The following LIPK variants were observed in gnomAD, a reference collection of about 807,000 sequenced individuals.
The protein encoded by LIPK is lipase family member K.
A neutral mutation model predicts 48.6 loss-of-function variants in LIPK; 32 were observed. The observed-to-expected ratio is 0.66, with a 90% CI of 0.50 to 0.88. LIPK has a LOEUF of 0.88. Ranked by LOEUF, LIPK falls within the 40% of genes least tolerant of loss-of-function variation. The pLI is 0.00. For missense variants in LIPK, 507 were observed against 478.5 expected (o/e 1.06, Z -0.56); for synonymous variants, 164 against 157.4 (o/e 1.04, Z -0.32).
chr10:88,729,837 A>G (rs1842429419), intron 3 of LIPK, among the ~76,000 whole-genome samples: 1 of 152,294 alleles, frequency 6.6e-6, no homozygotes, highest in African/African-American at 2.4e-5. Context: ...TCCAAAAGTG[A>G]CCTGAGGTAG....
At chr10:88,749,503 G>A (rs968974949) in intron 9 of LIPK, among the ~76,000 whole-genome samples, 2 of 152,128 alleles carry the variant, frequency 1.3e-5, no homozygotes, top group Non-Finnish European at 2.9e-5. Flanking sequence ...ACAATAACAA[G>A]CAATGGGGAA....
intron 1 of LIPK, among the ~76,000 whole-genome samples, chr10:88,719,730 A>G (rs1312635455): frequency 1.3e-5 from 2 of 152,082 alleles, no homozygotes; most frequent in Non-Finnish European, 2.9e-5. Flanking sequence ...TAGGGTGGGG[A>G]CTGGTTAAGA....
chr10:88,745,833 G>T (rs1842756893), intron 9 of LIPK, among the ~76,000 whole-genome samples: 1 of 152,200 alleles, frequency 6.6e-6, no homozygotes, highest in Non-Finnish European at 1.5e-5. Flanking sequence ...GCAAAGAGTT[G>T]CAAGTTGCAT....
chr10:88,752,281 C>A (rs762278365), intron 9 of LIPK, among the ~76,000 whole-genome samples: 1 of 152,138 alleles, frequency 6.6e-6, no homozygotes, highest in Non-Finnish European at 1.5e-5. Context: ...TTTATTTTCC[C>A]AAACGTGCAA....
chr10:88,717,882 T>G (rs1046624653), intron 1 of LIPK, among the ~76,000 whole-genome samples: 9 of 127,812 alleles, frequency 7.0e-5, no homozygotes, highest in East Asian at 6.2e-4. Context: ...TTATTTAATG[T>G]TTTTTTTTTT....
chr10:88,720,141 T>C (rs1337957007), intron 1 of LIPK, among the ~76,000 whole-genome samples: 10 of 152,174 alleles, frequency 6.6e-5, no homozygotes, highest in Non-Finnish European at 1.5e-4. Context: ...GTAATGTACC[T>C]TTTTCCAACC....
At chr10:88,739,637 C>T (rs1042863309) in intron 7 of LIPK, among the ~76,000 whole-genome samples, 6 of 152,024 alleles carry the variant, frequency 3.9e-5, no homozygotes, top group Admixed American at 6.6e-5. Context: ...AGGCGGATCA[C>T]GAGGTCAGGA....
intron 1 of LIPK, among the ~76,000 whole-genome samples, chr10:88,710,165 G>C (rs888340923): frequency 6.6e-5 from 10 of 151,814 alleles, no homozygotes; most frequent in African/African-American, 2.4e-4. Flanking sequence ...AAATTCTCTT[G>C]TAATTGAAAA....
chr10:88,747,394 C>A (rs1842784490), intron 9 of LIPK, among the ~76,000 whole-genome samples: 1 of 152,074 alleles, frequency 6.6e-6, no homozygotes, highest in South Asian at 2.1e-4. Flanking sequence ...CCTAATACAG[C>A]AACACATCAA....
chr10:88,722,637 GA>G, intron 1 of LIPK, among the ~76,000 whole-genome samples: 1 of 152,172 alleles, frequency 6.6e-6, no homozygotes, highest in East Asian at 1.9e-4. Context: ...GCCATACTTA[GA>G]AAAACACTAA....
intron 6 of LIPK, among the ~76,000 whole-genome samples, chr10:88,733,571 A>G (rs1445247003): frequency 6.6e-6 from 1 of 152,204 alleles, no homozygotes. Flanking sequence ...ACATGCTTAC[A>G]TTGCCTGTTG....
chr10:88,733,841 A>G (rs1474634513), intron 6 of LIPK, among the ~76,000 whole-genome samples: 2 of 152,204 alleles, frequency 1.3e-5, no homozygotes, highest in East Asian at 3.8e-4. Flanking sequence ...AGGCCCTGGC[A>G]TTAGGAAACA....
At chr10:88,752,449 C>A in intron 9 of LIPK, 68 bp from the exon 10 acceptor site, 2 of 1,139,756 alleles carry the variant, frequency 1.8e-6, no homozygotes, top group South Asian at 1.4e-5. Flanking sequence ...CAACAGCTGA[C>A]AGTTAATGTT....
At chr10:88,707,515 A>G (rs1173907881) in intron 1 of LIPK, among the ~76,000 whole-genome samples, 1 of 152,134 alleles carries the variant, frequency 6.6e-6, no homozygotes, top group African/African-American at 2.4e-5. Context: ...AAGACATGTG[A>G]AATATAATGC....
chr10:88,713,978 AT>A (rs1842070985), intron 1 of LIPK, among the ~76,000 whole-genome samples: 2 of 151,978 alleles, frequency 1.3e-5, no homozygotes, highest in South Asian at 4.2e-4. Flanking sequence ...ATAAAATAAA[AT>A]AAAATAAATT....
intron 1 of LIPK, among the ~76,000 whole-genome samples, chr10:88,717,858 TGCC>T (rs1564974809): frequency 2.0e-5 from 3 of 151,974 alleles, no homozygotes; most frequent in Non-Finnish European, 2.9e-5. Flanking sequence ...TCACTCAGGT[TGCC>T]TAAACTTGTA....
intron 1 of LIPK, 105 bp from the exon 2 acceptor site, chr10:88,724,428 G>T: frequency 1.5e-6 from 1 of 684,692 alleles, no homozygotes; most frequent in South Asian, 1.7e-5. Context: ...CAGCCTAGAA[G>T]TATGTTTCTG....
intron 6 of LIPK, among the ~76,000 whole-genome samples, 189 bp from the exon 7 acceptor site, chr10:88,737,446 T>A (rs915143801): frequency 3.5e-4 from 54 of 152,124 alleles, no homozygotes; most frequent in African/African-American, 1.3e-3. Flanking sequence ...AATTAAAGAT[T>A]TTTGGGAAAA....
intron 1 of LIPK, among the ~76,000 whole-genome samples, chr10:88,716,479 TC>T (rs10712639): frequency 0.78 from 117,903 of 150,734 alleles, 47,035 homozygotes; most frequent in East Asian, 1. Context: ...TGCCTCAGCC[TC>T]CCGAGTAGCT....
Sources: gnomAD v4.1 joint callset for allele counts (sites outside exome capture counted in the v4.1 genomes callset) on GRCh38, gnomAD v4.1.1 for gene constraint, MANE v1.5 for transcripts, NCBI Gene and HGNC (gene_info 2026-07-23, HGNC 2026-07-21) for gene names.